Variants in NWD2 observed in about 807,000 individuals in gnomAD.
NWD2 encodes NACHT and WD repeat domain-containing protein 2.
Under a neutral mutation model 132.7 loss-of-function variants are expected in NWD2, and 37 were observed. The ratio of observed to expected loss-of-function variants is 0.28; its 90% CI spans 0.21 to 0.37. The LOEUF (loss-of-function observed/expected upper bound fraction) is 0.37, where lower values mean the gene tolerates loss of function less well. Among genes scored for constraint, NWD2 ranks in the 10% least tolerant of loss-of-function variants. NWD2 has a pLI of 1.00. For missense variants in NWD2, 1,592 were observed against 2,122.4 expected, an observed-to-expected ratio of 0.75 and a Z score of 4.91; for synonymous variants, 705 against 803.0, an observed-to-expected ratio of 0.88 and a Z score of 2.06.
chr4:37,387,770 G>A (rs1720594855), intron 3 of NWD2, among the ~76,000 whole-genome samples: 1 of 146,288 alleles, frequency 6.8e-6, no homozygotes, highest in Non-Finnish European at 1.5e-5. Context: ...TGTCTTCCAG[G>A]TTCAAGCGAT....
At chr4:37,421,789 A>C (rs1711816431) in intron 3 of NWD2, among the ~76,000 whole-genome samples, 1 of 152,194 alleles carries the variant, frequency 6.6e-6, no homozygotes, top group Non-Finnish European at 1.5e-5. Flanking sequence ...GTATGCTTGT[A>C]TTAGTCAGTT....
At chr4:37,367,653 T>C (rs1263863990) in intron 3 of NWD2, among the ~76,000 whole-genome samples, 1 of 152,182 alleles carries the variant, frequency 6.6e-6, no homozygotes, top group African/African-American at 2.4e-5. Context: ...AAAATCCTGA[T>C]TACACACAGG....
chr4:37,446,730 A>G lies in NWD2; in HGVS notation c.4742A>G (p.Tyr1581Cys). 1 of 1,551,674 alleles carries G rather than the reference A, an allele frequency of 6.4e-7. No individual in the cohort carries two copies. The highest frequency in any genetic ancestry group is 8.7e-7 in the Non-Finnish European group (1 of 1,146,996). Residue 1581 changes from tyrosine to cysteine, a missense_variant, in exon 7 of 7, where the codon TAC becomes TGC. Physicochemically the swap from Tyr to Cys is radical, Grantham distance 194 (BLOSUM62 -2). Around this residue, in one of 7 missense-constraint regions of NWD2, gnomAD observed 257 missense variants for 335.0 expected, o/e 0.77. Coordinates refer to ENST00000309447, the MANE Select transcript of NWD2 (RefSeq NM_001144990.2). The surrounding 1 kb of genome is among the most constrained non-coding windows in gnomAD (Gnocchi z 6.7). The part of the protein sequence containing the change: ...RLSRDGRYLV[Y>C]ICFRNGEEED... ...TCTCGGGATGGTCGCTACCTGGTAT[A>G]CATTTGTTTCCGAAATGGGGAGGAG...
At chr4:37,250,159 TAC>T (rs59150547) in intron 1 of NWD2, among the ~76,000 whole-genome samples, 14,995 of 148,780 alleles carry the variant, frequency 0.1, 1,098 homozygotes, top group East Asian at 0.39. Flanking sequence ...TGTGTGTGTA[TAC>T]ACACACACAC....
chr4:37,306,010 T>C (rs1426289004), intron 1 of NWD2, among the ~76,000 whole-genome samples: 1 of 152,212 alleles, frequency 6.6e-6, no homozygotes, highest in Non-Finnish European at 1.5e-5. Context: ...TTATTCCTGA[T>C]TCAACCTCAT....
chr4:37,307,564 TTC>T (rs1718734378), intron 1 of NWD2, among the ~76,000 whole-genome samples: 1 of 152,230 alleles, frequency 6.6e-6, no homozygotes, highest in Non-Finnish European at 1.5e-5. Context: ...AATTCTCATT[TTC>T]TCTTTGACTT....
intron 1 of NWD2, among the ~76,000 whole-genome samples, chr4:37,265,234 G>T (rs1284156492): frequency 6.6e-6 from 1 of 152,108 alleles, no homozygotes; most frequent in African/African-American, 2.4e-5. Flanking sequence ...ATTTACTGCA[G>T]TAAATTAGAC....
chr4:37,275,068 A>C (rs1235526489), intron 1 of NWD2, among the ~76,000 whole-genome samples: 1 of 152,166 alleles, frequency 6.6e-6, no homozygotes, highest in Non-Finnish European at 1.5e-5. Context: ...TAGTGTTGGA[A>C]GTTCTGGCCA....
intron 2 of NWD2, among the ~76,000 whole-genome samples, chr4:37,355,198 T>A (rs939746120): frequency 3.3e-5 from 5 of 152,222 alleles, no homozygotes; most frequent in African/African-American, 1.2e-4. Flanking sequence ...CCTTCTTTGA[T>A]GTCATCTTTC....
intron 3 of NWD2, among the ~76,000 whole-genome samples, chr4:37,387,670 CTTTTTT>C (rs34665816): frequency 6.8e-5 from 6 of 88,702 alleles, no homozygotes; most frequent in Non-Finnish European, 1.0e-4. Flanking sequence ...TTGAAATATT[CTTTTTT>C]TTTTTTTTTT....
At chr4:37,267,730 G>C (rs1717785818) in intron 1 of NWD2, among the ~76,000 whole-genome samples, 1 of 151,850 alleles carries the variant, frequency 6.6e-6, no homozygotes, top group Admixed American at 6.6e-5. Flanking sequence ...CTTACTATAT[G>C]CCAGGAATTA....
chr4:37,308,193 T>C (rs1249910688), intron 1 of NWD2, among the ~76,000 whole-genome samples: 2 of 152,230 alleles, frequency 1.3e-5, no homozygotes, highest in Non-Finnish European at 2.9e-5. Context: ...TACATCCCTA[T>C]GTTAATATCT....
chr4:37,294,179 C>T (rs1482274312), intron 1 of NWD2, among the ~76,000 whole-genome samples: 2 of 151,980 alleles, frequency 1.3e-5, no homozygotes, highest in African/African-American at 4.8e-5. Context: ...CTTGTTGTAA[C>T]AGCCTCTAAT....
At chr4:37,368,708 T>C (rs906221838) in intron 3 of NWD2, among the ~76,000 whole-genome samples, 3 of 152,116 alleles carry the variant, frequency 2.0e-5, no homozygotes, top group Non-Finnish European at 1.5e-5. Flanking sequence ...GGTACTTTGA[T>C]TGTCCAGAGA....
At chr4:37,320,443 C>T (rs185982162) in intron 1 of NWD2, among the ~76,000 whole-genome samples, 1 of 152,264 alleles carries the variant, frequency 6.6e-6, no homozygotes, top group East Asian at 1.9e-4. Flanking sequence ...GCTGGCGGCT[C>T]TGTGAGACAG....
chr4:37,403,156 G>T (rs1478520866), intron 3 of NWD2, among the ~76,000 whole-genome samples: 2 of 152,148 alleles, frequency 1.3e-5, no homozygotes, highest in African/African-American at 2.4e-5. Context: ...TATTTATTGT[G>T]CCCTTATTAT....
intron 1 of NWD2, among the ~76,000 whole-genome samples, chr4:37,306,028 T>G (rs1369874251): frequency 6.6e-6 from 1 of 152,188 alleles, no homozygotes; most frequent in Non-Finnish European, 1.5e-5. Context: ...CATCATTTGT[T>G]AGTCAGTTCA....
At chr4:37,284,444 G>A (rs1484869898) in intron 1 of NWD2, among the ~76,000 whole-genome samples, 1 of 152,188 alleles carries the variant, frequency 6.6e-6, no homozygotes, top group Non-Finnish European at 1.5e-5. Flanking sequence ...CCCATCCAGA[G>A]TCCAGAATAT....
intron 1 of NWD2, among the ~76,000 whole-genome samples, chr4:37,306,206 ATT>A (rs999777181): frequency 2.0e-5 from 3 of 151,574 alleles, no homozygotes; most frequent in Admixed American, 1.3e-4. Context: ...TTTGTTTCTG[ATT>A]TTGAGTCTTC....
Sources: gnomAD v4.1 joint callset for allele counts (sites outside exome capture counted in the v4.1 genomes callset) on GRCh38, gnomAD v4.1.1 for gene constraint, gnomAD v4.1.1 regional missense constraint, Gnocchi (gnomAD v3.1) non-coding constraint, MANE v1.5 for transcripts, NCBI Gene and HGNC (gene_info 2026-07-23, HGNC 2026-07-21) for gene names.